The following LRRTM4 variants were observed in gnomAD, a reference collection of about 807,000 sequenced individuals.
The protein encoded by LRRTM4 is leucine-rich repeat transmembrane neuronal protein 4.
LRRTM4 carries 25 observed loss-of-function variants against 47.6 expected under a neutral mutation model. The ratio of observed to expected loss-of-function variants is 0.53; its 90% CI spans 0.38 to 0.73. The LOEUF (loss-of-function observed/expected upper bound fraction) is 0.73. Ranked by LOEUF, LRRTM4 falls within the 30% of genes least tolerant of loss-of-function variation. The probability of loss-of-function intolerance (pLI) is 0.00; values close to 1 mark genes in which losing one functional copy is unlikely to be tolerated. For missense variants in LRRTM4, 638 were observed against 713.4 expected (o/e 0.89, Z 1.20); for synonymous variants, 311 against 269.5 (o/e 1.15, Z -1.51).
chr2:76,878,812 T>G (rs115877483), intron 3 of LRRTM4, among the ~76,000 whole-genome samples: 1 of 151,982 alleles, frequency 6.6e-6, no homozygotes, highest in South Asian at 2.1e-4. Context: ...AGGCGGAACT[T>G]GTGAAGAGCC....
At chr2:77,461,686 C>A (rs1161899887) in intron 3 of LRRTM4, among the ~76,000 whole-genome samples, 2 of 152,210 alleles carry the variant, frequency 1.3e-5, no homozygotes, top group East Asian at 1.9e-4. Context: ...ACTTAAGCAA[C>A]TTCTTCACAG....
chr2:76,784,013 A>G (rs62172097), intron 3 of LRRTM4, among the ~76,000 whole-genome samples: 3 of 151,974 alleles, frequency 2.0e-5, no homozygotes, highest in African/African-American at 4.8e-5. Flanking sequence ...TGAATTTTCT[A>G]TGTTTTATTG....
chr2:76,990,396 G>C (rs758103713), intron 3 of LRRTM4, among the ~76,000 whole-genome samples: 10 of 151,684 alleles, frequency 6.6e-5, no homozygotes, highest in Middle Eastern at 3.2e-3. Context: ...TCTGTCTGCT[G>C]TCTTTAAAAG....
chr2:77,331,636 T>C (rs1670974353), intron 3 of LRRTM4, among the ~76,000 whole-genome samples: 1 of 152,226 alleles, frequency 6.6e-6, no homozygotes, highest in Admixed American at 6.5e-5. Flanking sequence ...TCATACCATG[T>C]TTCAAAACCT....
At chr2:77,331,870 T>C (rs1342574067) in intron 3 of LRRTM4, among the ~76,000 whole-genome samples, 5 of 152,172 alleles carry the variant, frequency 3.3e-5, no homozygotes, top group Non-Finnish European at 5.9e-5. Context: ...TGTGCAATGG[T>C]GGTTGGATAG....
At chr2:77,356,242 C>G (rs750249250) in intron 3 of LRRTM4, among the ~76,000 whole-genome samples, 3 of 152,170 alleles carry the variant, frequency 2.0e-5, no homozygotes, top group Non-Finnish European at 4.4e-5. Flanking sequence ...TTATTAGACA[C>G]TATCCTTTAT....
intron 3 of LRRTM4, among the ~76,000 whole-genome samples, chr2:77,175,353 G>A (rs990397870): frequency 6.6e-6 from 1 of 152,018 alleles, no homozygotes; most frequent in African/African-American, 2.4e-5. Flanking sequence ...GGAACTCCAA[G>A]CTCTGTGCTA....
At chr2:77,392,944 A>T (rs572531283) in intron 3 of LRRTM4, among the ~76,000 whole-genome samples, 20 of 152,164 alleles carry the variant, frequency 1.3e-4, no homozygotes, top group Non-Finnish European at 2.5e-4. Flanking sequence ...GCCATTAGAC[A>T]GCATATACAT....
At chr2:77,299,867 T>C in intron 3 of LRRTM4, among the ~76,000 whole-genome samples, 1 of 147,616 alleles carries the variant, frequency 6.8e-6, no homozygotes, top group Non-Finnish European at 1.5e-5. Flanking sequence ...TTTTTTTTTT[T>C]TTTTGAGACG....
Position 77,097,091 on chromosome 2 carries a change from T to C in LRRTM4, c.1552-348175A>G, listed in dbSNP as rs900420914. Among the ~76,000 whole-genome samples the C allele has an allele frequency of 7.9e-5, 12 of 152,028 alleles. 1 individual carries two copies. Among genetic ancestry groups the C allele is most frequent in the African/African-American group, 2.6e-4 (11 of 41,578 alleles). ...CAATGACAAGCTGGTAGGACAATAG[T>C]ATTATCAGATTAAAATTTACCCCAG... is the stretch of plus-strand genomic sequence containing the variant. On this transcript the variant is annotated intron_variant, in intron 3 of 3. Coordinates refer to ENST00000409884, the MANE Select transcript of LRRTM4 (RefSeq NM_001134745.3).
intron 3 of LRRTM4, among the ~76,000 whole-genome samples, chr2:76,913,689 A>G (rs563593364): frequency 2.6e-5 from 4 of 151,918 alleles, no homozygotes; most frequent in African/African-American, 9.7e-5. Flanking sequence ...GCAGGCATGC[A>G]CCACCACACC....
intron 3 of LRRTM4, among the ~76,000 whole-genome samples, chr2:76,807,189 A>G (rs2103798904): frequency 6.6e-6 from 1 of 151,920 alleles, no homozygotes; most frequent in East Asian, 1.9e-4. Flanking sequence ...GAAAATAATG[A>G]ACACTGTTTG....
intron 3 of LRRTM4, among the ~76,000 whole-genome samples, chr2:77,141,554 G>T (rs1293817364): frequency 6.6e-6 from 1 of 152,122 alleles, no homozygotes; most frequent in Non-Finnish European, 1.5e-5. Context: ...ACACCAACAT[G>T]GCGCATGTGT....
At chr2:76,792,633 G>A (rs1675036809) in intron 3 of LRRTM4, among the ~76,000 whole-genome samples, 2 of 152,066 alleles carry the variant, frequency 1.3e-5, no homozygotes, top group African/African-American at 4.8e-5. Flanking sequence ...GGGTAGTAAT[G>A]TTGCTCCTGC....
chr2:77,196,184 C>G (rs558269407), intron 3 of LRRTM4, among the ~76,000 whole-genome samples: 1 of 152,174 alleles, frequency 6.6e-6, no homozygotes, highest in Non-Finnish European at 1.5e-5. Context: ...TTTGAATTTA[C>G]TTTCTTAGTT....
intron 3 of LRRTM4, among the ~76,000 whole-genome samples, chr2:76,901,709 G>T (rs1039075354): frequency 1.3e-5 from 2 of 152,088 alleles, no homozygotes; most frequent in African/African-American, 4.8e-5. Context: ...CAACTCCTTT[G>T]ATCCTGTTTG....
chr2:76,788,131 G>C (rs1169279034), intron 3 of LRRTM4, among the ~76,000 whole-genome samples: 2 of 152,140 alleles, frequency 1.3e-5, no homozygotes, highest in Non-Finnish European at 2.9e-5. Context: ...TGATTAAACT[G>C]AAGAAGGTCA....
At chr2:77,064,561 C>A (rs1679893468) in intron 3 of LRRTM4, among the ~76,000 whole-genome samples, 1 of 152,168 alleles carries the variant, frequency 6.6e-6, no homozygotes, top group Non-Finnish European at 1.5e-5. Flanking sequence ...TATCAGCTAT[C>A]TTCTTCAGGC....
intron 3 of LRRTM4, among the ~76,000 whole-genome samples, chr2:77,444,621 G>T (rs1418480733): frequency 6.6e-6 from 1 of 151,178 alleles, no homozygotes. Flanking sequence ...GTAACTTGGG[G>T]GAAAAAACAC....
Sources: gnomAD v4.1 joint callset for allele counts (sites outside exome capture counted in the v4.1 genomes callset) on GRCh38, gnomAD v4.1.1 for gene constraint, MANE v1.5 for transcripts, NCBI Gene and HGNC (gene_info 2026-07-23, HGNC 2026-07-21) for gene names.